The following TXNRD1 variants were observed in gnomAD, a reference collection of about 807,000 sequenced individuals.
The protein encoded by TXNRD1 is thioredoxin reductase 1.
Under a neutral mutation model 80.3 loss-of-function variants are expected in TXNRD1, and 57 were observed. The ratio of observed to expected loss-of-function variants is 0.71; its 90% confidence interval spans 0.57 to 0.89. The LOEUF is 0.89. Among genes scored for constraint, TXNRD1 ranks in the 40% least tolerant of loss-of-function variants. The pLI is 0.00. For missense variants in TXNRD1, 730 were observed against 803.0 expected (o/e 0.91, Z 1.10); for synonymous variants, 291 against 285.2 (o/e 1.02, Z -0.20).
chr12:104,217,167 G>C (rs936733195), intron 1 of TXNRD1, among the ~76,000 whole-genome samples: 13 of 151,982 alleles, frequency 8.6e-5, no homozygotes, highest in Admixed American at 3.9e-4. Flanking sequence ...CAATGAAGGA[G>C]TTTGAGCAGG....
intron 16 of TXNRD1, among the ~76,000 whole-genome samples, chr12:104,340,587 T>TC (rs1166953106): frequency 6.6e-6 from 1 of 152,214 alleles, no homozygotes; most frequent in East Asian, 1.9e-4. Context: ...TCCTTGGCGT[T>TC]CCTTGGCTTG....
At chr12:104,265,250 TAA>T (rs34903847) in intron 3 of TXNRD1, 1,623 of 1,231,398 alleles carry the variant, frequency 1.3e-3, no homozygotes, top group South Asian at 1.7e-3. Context: ...GACTCCGTCT[TAA>T]AAAAAAAAAA....
chr12:104,340,865 G>T (rs1473210858), intron 16 of TXNRD1, among the ~76,000 whole-genome samples: 1 of 152,198 alleles, frequency 6.6e-6, no homozygotes, highest in African/African-American at 2.4e-5. Flanking sequence ...ATTTAAAAAT[G>T]TAGATGCCAT....
At chr12:104,237,161 C>G (rs1319446355) in intron 1 of TXNRD1, among the ~76,000 whole-genome samples, 2 of 152,186 alleles carry the variant, frequency 1.3e-5, no homozygotes, top group Non-Finnish European at 2.9e-5. Flanking sequence ...ATTGTGTTAT[C>G]TACCGCTTTT....
chr12:104,269,814 C>T (rs1482170616), intron 3 of TXNRD1, among the ~76,000 whole-genome samples: 1 of 152,058 alleles, frequency 6.6e-6, no homozygotes, highest in Non-Finnish European at 1.5e-5. Context: ...CGTGATCCGC[C>T]TGCCTTGTCC....
chr12:104,247,706 G>A (rs1198190660), intron 1 of TXNRD1, among the ~76,000 whole-genome samples: 1 of 152,092 alleles, frequency 6.6e-6, no homozygotes, highest in African/African-American at 2.4e-5. Flanking sequence ...CTTAATCACA[G>A]AAGTTATTCC....
intron 6 of TXNRD1, among the ~76,000 whole-genome samples, chr12:104,314,739 T>TTTTTTTTC: frequency 2.1e-5 from 1 of 48,270 alleles, no homozygotes; most frequent in South Asian, 6.4e-4. Context: ...AATTTTTTTC[T>TTTTTTTTC]TTTTTTTTTT....
At chr12:104,290,168 T>C (rs1021152156) in intron 4 of TXNRD1, among the ~76,000 whole-genome samples, 1 of 152,270 alleles carries the variant, frequency 6.6e-6, no homozygotes, top group Non-Finnish European at 1.5e-5. Context: ...TTTAGATGTG[T>C]TGCAGCCTTA....
chr12:104,242,201 A>ATGT (rs1172480629), intron 1 of TXNRD1, among the ~76,000 whole-genome samples: 1 of 151,034 alleles, frequency 6.6e-6, no homozygotes, highest in Non-Finnish European at 1.5e-5. Context: ...GGCCTCCCAA[A>ATGT]GTCCTGGGAT....
At chr12:104,253,028 C>G (rs1279892475) in intron 2 of TXNRD1, among the ~76,000 whole-genome samples, 1 of 151,994 alleles carries the variant, frequency 6.6e-6, no homozygotes, top group Non-Finnish European at 1.5e-5. Context: ...TTAATTTTCT[C>G]TCAACTTGTC....
chr12:104,252,796 G>A (rs1485515730), intron 2 of TXNRD1, among the ~76,000 whole-genome samples: 1 of 139,284 alleles, frequency 7.2e-6, no homozygotes, highest in Non-Finnish European at 1.5e-5. Context: ...TCCGTCTCCC[G>A]GGTTCATGCC....
chr12:104,343,181 G>T (rs534103930), intron 16 of TXNRD1, among the ~76,000 whole-genome samples: 1 of 152,066 alleles, frequency 6.6e-6, no homozygotes, highest in African/African-American at 2.4e-5. Context: ...CGGTGGATGC[G>T]GTAGTATATC....
intron 14 of TXNRD1, among the ~76,000 whole-genome samples, chr12:104,332,565 C>T (rs1347096020): frequency 2.0e-5 from 3 of 151,830 alleles, no homozygotes; most frequent in Middle Eastern, 3.4e-3. Context: ...GCCTGACCAA[C>T]GTGGAGAAAC....
chr12:104,346,473 A>G (rs958250055), intron 16 of TXNRD1, among the ~76,000 whole-genome samples: 10 of 152,192 alleles, frequency 6.6e-5, no homozygotes, highest in African/African-American at 2.4e-4. Flanking sequence ...TCAGTTTCTG[A>G]GAAATAGAAC....
chr12:104,341,610 G>T (rs906624554), intron 16 of TXNRD1, among the ~76,000 whole-genome samples: 1 of 152,140 alleles, frequency 6.6e-6, no homozygotes, highest in Admixed American at 6.5e-5. Flanking sequence ...TGGGGGTTTT[G>T]CTCACACGAC....
chr12:104,311,511 G>C, intron 5 of TXNRD1, 99 bp downstream of exon 5: 2 of 1,445,154 alleles, frequency 1.4e-6, no homozygotes, highest in Non-Finnish European at 1.8e-6. Flanking sequence ...GAATTTATTT[G>C]ATCCACTCCT....
At chr12:104,224,100 T>C (rs2032416345) in intron 1 of TXNRD1, among the ~76,000 whole-genome samples, 1 of 152,202 alleles carries the variant, frequency 6.6e-6, no homozygotes, top group Non-Finnish European at 1.5e-5. Context: ...TTTAAGCTTG[T>C]GGCACAAGTT....
intron 1 of TXNRD1, among the ~76,000 whole-genome samples, chr12:104,226,360 T>C (rs1345332975): frequency 6.6e-6 from 1 of 152,214 alleles, no homozygotes; most frequent in African/African-American, 2.4e-5. Context: ...CCCTTGCCTA[T>C]GAAGCACTGT....
chr12:104,257,617 C>T (rs2033286326), intron 2 of TXNRD1, among the ~76,000 whole-genome samples: 2 of 152,060 alleles, frequency 1.3e-5, no homozygotes, highest in South Asian at 4.1e-4. Context: ...CCATGTTGGC[C>T]AGGCTGGTCT....
Sources: gnomAD v4.1 joint callset for allele counts (sites outside exome capture counted in the v4.1 genomes callset) on GRCh38, gnomAD v4.1.1 for gene constraint, MANE v1.5 for transcripts, NCBI Gene and HGNC (gene_info 2026-07-23, HGNC 2026-07-21) for gene names.